SLC7A5: variants seen among roughly 807,000 people sequenced by gnomAD.
SLC7A5 encodes the protein solute carrier family 7 member 5.
A neutral mutation model predicts 50.2 loss-of-function variants in SLC7A5; 23 were observed. The observed-to-expected ratio is 0.46, with a 90% confidence interval of 0.33 to 0.65. SLC7A5 has a LOEUF of 0.65. Ranked by LOEUF, SLC7A5 falls within the 30% of genes least tolerant of loss-of-function variation. The pLI is 0.02. For synonymous variants in SLC7A5, 393 were observed against 330.6 expected (o/e 1.19, Z -2.05); for missense variants, 578 against 684.4 (o/e 0.84, Z 1.73).
Position 87,834,363 on chromosome 16 carries a change from C to T in SLC7A5, c.1468+51G>A, listed in dbSNP as rs761668829. 80 of 1,540,026 alleles carry T rather than the reference C, an allele frequency of 5.2e-5. 1 individual carries two copies. Among genetic ancestry groups the T allele is most frequent in the Admixed American group, 7.8e-5 (4 of 50,968 alleles). ...ACGGCCGACGCCTCTCAACTCCCTTCGCTGCCCAGGGCAGAGGGTACCACG... is the reference window on the plus strand; with the variant it reads ...ACGGCCGACGCCTCTCAACTCCCTTTGCTGCCCAGGGCAGAGGGTACCACG... On this transcript the variant is annotated intron_variant, in intron 9 of 9. Transcript: ENST00000261622.
chr16:87,843,406 CTTGG>C (rs2055108147), intron 2 of SLC7A5, among the ~76,000 whole-genome samples: 1 of 81,460 alleles, frequency 1.2e-5, no homozygotes, highest in South Asian at 4.1e-4. Context: ...TTCCACCACG[CTTGG>C]CTAATTTTTG....
intron 7 of SLC7A5, 46 bp from the exon 8 acceptor site, chr16:87,836,693 G>A (rs2055008460): frequency 6.2e-7 from 1 of 1,602,318 alleles, no homozygotes; most frequent in Admixed American, 1.7e-5. Flanking sequence ...CCACGAGCAG[G>A]GCTGTGGACG....
rs541596804 is a variant in SLC7A5 at position 87,830,179 on chromosome 16, C to G, written c.*2791G>C. ...CTCGGCAGAGGGTGTCCAGCCTGGTCGGCCGACGTCACAGTGGATGGCCCT... is the reference window on the plus strand; with the variant it reads ...CTCGGCAGAGGGTGTCCAGCCTGGTGGGCCGACGTCACAGTGGATGGCCCT... On this transcript the variant is annotated 3_prime_UTR_variant, in exon 10 of 10. Transcript: ENST00000261622. 160 of 152,360 alleles carry G rather than the reference C, an allele frequency of 1.1e-3. No homozygotes were observed. The highest frequency in any genetic ancestry group is 1.2e-4 in the Non-Finnish European group (8 of 68,062). 9.4% of individuals were successfully genotyped at this position (152,360 alleles called of 1,614,324 possible). A position where few individuals can be genotyped will look rare whatever the true frequency, so the allele number is the denominator to read the frequency against.
Position 87,854,433 on chromosome 16 carries a change from G to T in SLC7A5, c.539-2584C>A, listed in dbSNP as rs539766195. Among the ~76,000 whole-genome samples, 3 of 152,248 alleles carry T rather than the reference G, an allele frequency of 2.0e-5. No individual in the cohort carries two copies. In the South Asian group the frequency reaches 6.2e-4, roughly 32 times the overall value. ...TTAAACAAATACATGAATTCATCTG[G>T]GTTCAGTACCTTTCGACCTTAAGGA... On this transcript the variant is annotated intron_variant, in intron 1 of 9. Coordinates refer to ENST00000261622, the MANE Select transcript of SLC7A5 (RefSeq NM_003486.7).
Position 87,833,020 on chromosome 16 carries a change from T to G in SLC7A5, c.1474A>C (p.Thr492Pro). The G allele has an allele frequency of 6.2e-7, 1 of 1,613,684 alleles. No homozygotes were observed. Among genetic ancestry groups the G allele is most frequent in the Non-Finnish European group, 8.5e-7 (1 of 1,179,772 alleles). Residue 492 changes from threonine (T) to proline (P), a missense_variant, in exon 10 of 10, where the codon ACG becomes CCG. Coordinates refer to ENST00000261622, the MANE Select transcript of SLC7A5 (RefSeq NM_003486.7). This position sits in a 1 kb window ranked among gnomAD's most constrained non-coding sequence, Gnocchi z 6.0. ...ATGAGCTTCTGACACAGGACGGTCG[T>G]GGAGACTGTCAGGAGAGAAGACAGC... ...PKWLLQGIFSTTVLCQKLMQV... is the reference protein window; with the variant it reads ...PKWLLQGIFSPTVLCQKLMQV...
rs1806865 is a variant in SLC7A5 at position 87,833,985 on chromosome 16, C to T, written c.1468+429G>A. 0.17 allele frequency among the ~76,000 whole-genome samples: 25,450 copies of T among 151,804 alleles called. 2,373 individuals carry two copies. Among genetic ancestry groups the T allele is most frequent in the South Asian group, 0.42 (2,025 of 4,796 alleles). Reference sequence around the variant, plus strand: ...TCTCCTGCCTCAGCCTCCTGAGTAGCTGGGATTACAGGTGTGTGCCACTAC... The same window carrying T: ...TCTCCTGCCTCAGCCTCCTGAGTAGTTGGGATTACAGGTGTGTGCCACTAC... On this transcript the variant is annotated intron_variant, in intron 9 of 9. Coordinates refer to ENST00000261622, the MANE Select transcript of SLC7A5 (RefSeq NM_003486.7). The surrounding 1 kb of genome is among the most constrained non-coding windows in gnomAD (Gnocchi z 6.0).
At chr16:87,867,081 G>A (rs926731798) in intron 1 of SLC7A5, among the ~76,000 whole-genome samples, 6 of 151,682 alleles carry the variant, frequency 4.0e-5, no homozygotes, top group African/African-American at 1.2e-4. Flanking sequence ...CACTCTGCCC[G>A]GCTAATTTTT....
Position 87,836,191 on chromosome 16 carries a change from C to T in SLC7A5, c.1290+307G>A, listed in dbSNP as rs952135289. On this transcript the variant is annotated intron_variant, in intron 8 of 9. Coordinates refer to ENST00000261622, the MANE Select transcript of SLC7A5 (RefSeq NM_003486.7). ...TGCTGCGCCAGGCCCGGCTCTGCCC[C>T]GCCCCTGCCGGGGCTCACCACCGCC... Among the ~76,000 whole-genome samples, 3 of 152,234 alleles carry T rather than the reference C, an allele frequency of 2.0e-5. No individual in the cohort carries two copies. The South Asian group carries it at 6.2e-4, about 32-fold the overall frequency.
At position 87,851,740 on chromosome 16, in the gene SLC7A5, G is replaced by C; in HGVS notation, c.648C>G (p.Phe216Leu). The C allele has an allele frequency of 6.2e-7, 1 of 1,613,054 alleles. No homozygotes were observed. The highest frequency in any genetic ancestry group is 8.5e-7 in the Non-Finnish European group (1 of 1,179,866). The change falls in exon 2 of 10, where the codon TTC becomes TTG. Residue 216 changes from phenylalanine (F) to leucine (L), a missense_variant. Physicochemically the swap from Phe to Leu is conservative, Grantham distance 22. Coordinates refer to ENST00000261622, the MANE Select transcript of SLC7A5 (RefSeq NM_003486.7). ...CGTACTCACCCTTCCCGATCTGGAC[G>C]AAGCCCAGCAGGATGATCAGGGCCA... is the stretch of plus-strand genomic sequence containing the variant. ...LALALIILLG[F>L]VQIGKGDVSN... is the part of the protein sequence containing the mutation.
intron 1 of SLC7A5, among the ~76,000 whole-genome samples, chr16:87,855,246 C>T (rs1480960349): frequency 1.3e-5 from 2 of 152,180 alleles, no homozygotes; most frequent in East Asian, 3.9e-4. Context: ...GTTGCCACCA[C>T]CCAGCATGAG....
In SLC7A5 at chr16:87,868,967, G is replaced by T. The variant is rs762290953; in HGVS notation, c.456C>A (p.Phe152Leu). ...AGAGCGGCTTGAGCAGGTAGGTGGC[G>T]AAGACCAGGGCCACGATGTACTGCG... ...PSSQYIVALVFATYLLKPLFP... is the reference protein window; with the variant it reads ...PSSQYIVALVLATYLLKPLFP... The change falls in exon 1 of 10, where the codon TTC becomes TTA. Residue 152 changes from phenylalanine to leucine, a missense_variant. Phe to Leu is a conservative substitution (Grantham distance 22). This residue lies in a region of SLC7A5 where 465 missense variants were observed against 594.6 expected (regional missense o/e 0.78). Coordinates refer to ENST00000261622, the MANE Select transcript of SLC7A5 (RefSeq NM_003486.7). The T allele has an allele frequency of 2.5e-6, 4 of 1,610,632 alleles. No homozygotes were observed. In the South Asian group the frequency reaches 3.3e-5, roughly 13 times the overall value.
At chr16:87,843,206 T>C (rs28611500) in intron 2 of SLC7A5, among the ~76,000 whole-genome samples, 53,197 of 151,898 alleles carry the variant, frequency 0.35, 10,685 homozygotes, top group South Asian at 0.57. Context: ...TCCTCATAGC[T>C]GACCTCCAGC....
In SLC7A5 at chr16:87,841,605, C is replaced by A. The variant is rs1037290225; in HGVS notation, c.665-450G>T. On this transcript the variant is annotated intron_variant, in intron 2 of 9. Coordinates refer to ENST00000261622, the MANE Select transcript of SLC7A5 (RefSeq NM_003486.7). The surrounding 1 kb of genome is among the most constrained non-coding windows in gnomAD (Gnocchi z 4.8). ...CACTAGGGCCCTGCTTCTTGGGGTG[C>A]GAGGAGCTCGGAACAGACTGCCCTC... Among the ~76,000 whole-genome samples the A allele has an allele frequency of 6.6e-6, 1 of 152,222 alleles. No individual in the cohort carries two copies. Among genetic ancestry groups the A allele is most frequent in the African/African-American group, 2.4e-5 (1 of 41,454 alleles).
Position 87,833,857 on chromosome 16 carries a change from CTT to C in SLC7A5, c.1468+555_1468+556del, listed in dbSNP as rs5818649. On this transcript the variant is annotated intron_variant, in intron 9 of 9. Transcript: ENST00000261622. The surrounding 1 kb of genome is among the most constrained non-coding windows in gnomAD (Gnocchi z 6.0). ...CCGGGGGGCGGGTTTCTCCTTCTGC[CTT>C]TTTTTTTTTTTTTGAGAAGAGTCTC... Among the ~76,000 whole-genome samples, 60 of 141,554 alleles carry C rather than the reference CTT, an allele frequency of 4.2e-4. No individual in the cohort carries two copies. The highest frequency in any genetic ancestry group is 7.0e-4 in the Admixed American group (10 of 14,324). 92.9% of individuals were successfully genotyped at this position (141,554 alleles called of 152,430 possible).
At chr16:87,864,488 C>T (rs1020732223) in intron 1 of SLC7A5, among the ~76,000 whole-genome samples, 6 of 152,154 alleles carry the variant, frequency 3.9e-5, no homozygotes, top group African/African-American at 1.4e-4. Flanking sequence ...GGCAGGGTCT[C>T]CCTTCCCGGG....
Position 87,869,486 on chromosome 16 carries a change from C to A in SLC7A5, c.-64G>T. The A allele has an allele frequency of 8.8e-7, 1 of 1,132,880 alleles. No homozygotes were observed. The allele number at this position is 1,132,880 out of a possible 1,614,324, so 70.2% of individuals were successfully genotyped here. On this transcript the variant is annotated 5_prime_UTR_variant, in exon 1 of 10. Transcript: ENST00000261622. ...GCGGCCCAGCGAGCAGTGTGCGCGCCGCCCGCCGCCCGCAGCTGCGTCAGG... is the reference window on the plus strand; with the variant it reads ...GCGGCCCAGCGAGCAGTGTGCGCGCAGCCCGCCGCCCGCAGCTGCGTCAGG...
chr16:87,851,604 T>C, intron 2 of SLC7A5, 120 bp downstream of exon 2: 1 of 1,253,710 alleles, frequency 8.0e-7, no homozygotes, highest in East Asian at 2.4e-5. Flanking sequence ...AATCTCCACG[T>C]TGTACAGCAC....
At chr16:87,849,652 G>T (rs536161058) in intron 2 of SLC7A5, among the ~76,000 whole-genome samples, 1 of 152,208 alleles carries the variant, frequency 6.6e-6, no homozygotes, top group Admixed American at 6.5e-5. Flanking sequence ...TGTCACTCAG[G>T]CCCAACCACC....
At chr16:87,843,742 C>G (rs977698259) in intron 2 of SLC7A5, among the ~76,000 whole-genome samples, 2 of 152,176 alleles carry the variant, frequency 1.3e-5, no homozygotes, top group African/African-American at 4.8e-5. Context: ...GCCGGGGATG[C>G]TGCTGGATGT....
Sources: allele counts gnomAD v4.1 joint callset (sites outside exome capture counted in the v4.1 genomes callset), GRCh38; gene constraint gnomAD v4.1.1; regional missense constraint gnomAD v4.1.1; non-coding constraint Gnocchi (gnomAD v3.1); transcripts MANE v1.5; gene names NCBI Gene and HGNC (gene_info 2026-07-23, HGNC 2026-07-21).